The following BRD3 variants were observed in gnomAD, a reference collection of about 807,000 sequenced individuals.
The protein encoded by BRD3 is bromodomain containing 3.
In BRD3, 17 loss-of-function variants were observed where a neutral mutation model predicts 66.8. The observed-to-expected ratio is 0.25, with a 90% confidence interval of 0.17 to 0.38. The LOEUF (loss-of-function observed/expected upper bound fraction) is 0.38. Among genes scored for constraint, BRD3 ranks in the 10% least tolerant of loss-of-function variants. The pLI is 1.00. For synonymous variants in BRD3, 421 were observed against 393.2 expected, an observed-to-expected ratio of 1.07 and a Z score of -0.84; for missense variants, 713 against 956.1, an observed-to-expected ratio of 0.75 and a Z score of 3.35.
chr9:134,037,856 C>T (rs1017875317), intron 9 of BRD3, among the ~76,000 whole-genome samples: 2 of 152,164 alleles, frequency 1.3e-5, no homozygotes, highest in East Asian at 3.9e-4. Flanking sequence ...GCCCTACAGA[C>T]AATAAAAGGC....
In BRD3 at chr9:134,053,331, C is replaced by T. The variant is rs142431854; in HGVS notation, c.147G>A (p.Thr49=). Residue 49 remains threonine (T), a synonymous_variant, in exon 2 of 12, where the codon ACG becomes ACA. Transcript: ENST00000303407. ...LQYMQNVVVK[T]LWKHQFAWPF... ...GCCAGGCGAACTGGTGTTTCCAGAG[C>T]GTCTTCACCACCACATTCTGCATGT... The T allele has an allele frequency of 1.2e-4, 199 of 1,613,460 alleles. 2 individuals are homozygous for T. The Middle Eastern group carries it at 2.6e-3, about 21-fold the overall frequency.
intron 6 of BRD3, among the ~76,000 whole-genome samples, chr9:134,046,085 C>T (rs12339071): frequency 0.033 from 5,089 of 152,224 alleles, 305 homozygotes; most frequent in African/African-American, 0.12. Context: ...CAAAACCCAC[C>T]GCAGGTCCCA....
At chr9:134,039,550 G>A (rs1041037184) in intron 9 of BRD3, among the ~76,000 whole-genome samples, 4 of 152,150 alleles carry the variant, frequency 2.6e-5, no homozygotes, top group Admixed American at 2.0e-4. Flanking sequence ...TCCCGGGCCT[G>A]AGCTCCTTCC....
rs372701647 is a variant in BRD3 at position 134,051,878 on chromosome 9, T to TGTGTGTGTG, written c.352-170_352-169insCACACACAC. On this transcript the variant is annotated intron_variant, in intron 3 of 11. Coordinates refer to ENST00000303407, the MANE Select transcript of BRD3 (RefSeq NM_007371.4). ...GTGTGTGTGTGTGTGTGTGTGTGTG[T>TGTGTGTGTG]TGTTTTTTTTGTTTTTTTTTTTTTT... 1.5e-3 allele frequency among the ~76,000 whole-genome samples: 175 copies of TGTGTGTGTG among 116,280 alleles called. 4 individuals are homozygous for TGTGTGTGTG. The highest frequency in any genetic ancestry group is 6.1e-3 in the African/African-American group (163 of 26,838). 76.3% of individuals were successfully genotyped at this position (116,280 alleles called of 152,430 possible). A position where few individuals can be genotyped will look rare whatever the true frequency, so the allele number is the denominator to read the frequency against.
rs1830349385 is a variant in BRD3 at position 134,053,552 on chromosome 9, A to G, written c.-75T>C. 2.7e-6 allele frequency: 4 copies of G among 1,458,866 alleles called. No homozygotes were observed. The highest frequency in any genetic ancestry group is 4.9e-5 in the Admixed American group (2 of 40,892). 90.4% of individuals were successfully genotyped at this position (1,458,866 alleles called of 1,614,324 possible). On this transcript the variant is annotated 5_prime_UTR_variant, in exon 2 of 12. Coordinates refer to ENST00000303407, the MANE Select transcript of BRD3 (RefSeq NM_007371.4). ...CTGGCTGCTTCTACGCTCCCTGAGA[A>G]AGCGCGACGTCCCATTTCCGGGCCC... is the stretch of plus-strand genomic sequence containing the variant.
At chr9:134,068,152 G>A (rs1418840328), upstream of BRD3, 4 of 143,238 alleles carry the variant, frequency 2.8e-5, no homozygotes, top group Admixed American at 6.8e-5. Flanking sequence ...TACATGTCCC[G>A]GCCCCGCCGG....
chr9:134,053,218 G>C (rs1368843765), intron 2 of BRD3, 47 bp downstream of exon 2: 1 of 1,598,592 alleles, frequency 6.3e-7, no homozygotes, highest in Non-Finnish European at 8.6e-7. Flanking sequence ...GGGGACAGAG[G>C]ACGGCAGCAG....
intron 1 of BRD3, among the ~76,000 whole-genome samples, chr9:134,067,586 G>C (rs1390518759): frequency 6.8e-6 from 1 of 147,060 alleles, no homozygotes; most frequent in African/African-American, 2.5e-5. Flanking sequence ...GAGGGCGCGC[G>C]GAGGCCGGGC....
At chr9:134,059,668 C>T (rs957474521) in intron 1 of BRD3, among the ~76,000 whole-genome samples, 6 of 152,204 alleles carry the variant, frequency 3.9e-5, no homozygotes, top group Non-Finnish European at 7.3e-5. Flanking sequence ...GGAAGCCTGT[C>T]TGCTAAAATG....
At chr9:134,061,736 A>G (rs1006444456) in intron 1 of BRD3, among the ~76,000 whole-genome samples, 4 of 152,204 alleles carry the variant, frequency 2.6e-5, no homozygotes, top group African/African-American at 7.2e-5. Context: ...AAGGGGCACA[A>G]CGTCGCCCAG....
Position 134,041,933 on chromosome 9 carries a change from A to G in BRD3, c.1234T>C (p.Phe412Leu). 1 of 1,592,570 alleles carries G rather than the reference A, an allele frequency of 6.3e-7. No homozygotes were observed. The highest frequency in any genetic ancestry group is 8.6e-7 in the Non-Finnish European group (1 of 1,167,250). ...RKLQDVFEMR[F>L]AKMPDEPVEA... Reference sequence around the variant, plus strand: ...ACGGGCTCATCTGGCATCTTGGCAAACCTCATCTCAAACACGTCCTGCGGC... The same window carrying G: ...ACGGGCTCATCTGGCATCTTGGCAAGCCTCATCTCAAACACGTCCTGCGGC... The change falls in exon 8 of 12, where the codon TTT (phenylalanine) becomes CTT (leucine). Residue 412 changes from phenylalanine to leucine, a missense_variant. Physicochemically the swap from Phe to Leu is conservative, Grantham distance 22. This residue lies in a region of BRD3 where 418 missense variants were observed against 609.3 expected (regional missense o/e 0.69). Coordinates refer to ENST00000303407, the MANE Select transcript of BRD3 (RefSeq NM_007371.4).
At chr9:134,034,655 C>A (rs1843570325) in intron 11 of BRD3, 46 bp downstream of exon 11, 1 of 1,597,108 alleles carries the variant, frequency 6.3e-7, no homozygotes, top group South Asian at 1.1e-5. Flanking sequence ...CTGCTGACAC[C>A]CCCCACCCCC....
Position 134,048,385 on chromosome 9 carries a change from C to T in BRD3, c.784G>A (p.Glu262Lys). ...TTSAITASRS[E>K]SPPPLSDPKQ... The stretch of plus-strand genomic sequence containing the variant: ...GGGTCTGACAACGGCGGGGGCGACT[C>T]ACTCCGGCTGGCAGTGATGGCCGAC... The change falls in exon 6 of 12, where the codon GAG becomes AAG. Residue 262 changes from glutamate (E) to lysine (K), a missense_variant. Glu to Lys is a moderately conservative substitution (Grantham distance 56). Around this residue, in one of 5 missense-constraint regions of BRD3, gnomAD observed 418 missense variants for 609.3 expected, o/e 0.69. Transcript: ENST00000303407. The T allele has an allele frequency of 1.3e-6, 2 of 1,598,540 alleles. No homozygotes were observed. Among genetic ancestry groups the T allele is most frequent in the Non-Finnish European group, 1.7e-6 (2 of 1,179,864 alleles).
rs1467868823 is a variant in BRD3 at position 134,033,507 on chromosome 9, A to T, written c.*83T>A. On this transcript the variant is annotated 3_prime_UTR_variant, in exon 12 of 12. Transcript: ENST00000303407. The surrounding 1 kb of genome is among the most constrained non-coding windows in gnomAD (Gnocchi z 5.1). ...AGCAGACCTGCACACCATGGAACAG[A>T]AGTAGTAATATGAACCACAGAGGGG... The T allele has an allele frequency of 1.7e-5, 11 of 656,488 alleles. No individual in the cohort carries two copies. The Admixed American group carries it at 2.3e-4, about 14-fold the overall frequency. 40.7% of individuals were successfully genotyped at this position (656,488 alleles called of 1,614,324 possible).
At chr9:134,059,137 C>G (rs1238064439) in intron 1 of BRD3, among the ~76,000 whole-genome samples, 1 of 152,242 alleles carries the variant, frequency 6.6e-6, no homozygotes, top group Non-Finnish European at 1.5e-5. Flanking sequence ...TGTCTGGAAT[C>G]TGCTTCATGA....
intron 7 of BRD3, among the ~76,000 whole-genome samples, chr9:134,043,260 C>T (rs1564550871): frequency 6.6e-6 from 1 of 152,086 alleles, no homozygotes; most frequent in Non-Finnish European, 1.5e-5. Context: ...GGTAAGCCAC[C>T]ACACCCAGAC....
At chr9:134,055,548 G>T (rs1439709662) in intron 1 of BRD3, among the ~76,000 whole-genome samples, 8 of 152,226 alleles carry the variant, frequency 5.3e-5, no homozygotes, top group Non-Finnish European at 1.0e-4. Context: ...AGGCTCCTGA[G>T]GGTGGAGGAG....
rs1412442627 is a variant in BRD3 at position 134,033,053 on chromosome 9, G to GC, written c.*536dup. 5.0e-6 allele frequency: 2 copies of GC among 398,346 alleles called. No individual in the cohort carries two copies. The highest frequency in any genetic ancestry group is 8.8e-6 in the Non-Finnish European group (2 of 226,264). The allele number at this position is 398,346 out of a possible 1,614,324, so 24.7% of individuals were successfully genotyped here. A position where few individuals can be genotyped will look rare whatever the true frequency, so the allele number is the denominator to read the frequency against. On this transcript the variant is annotated 3_prime_UTR_variant, in exon 12 of 12. Coordinates refer to ENST00000303407, the MANE Select transcript of BRD3 (RefSeq NM_007371.4). The surrounding 1 kb of genome is among the most constrained non-coding windows in gnomAD (Gnocchi z 5.1). ...GGGGCTGCGATGACCCTTCGCTTAG[G>GC]CCCAGCCTGGTCTCCACAAGCAGGC...
At chr9:134,037,070 G>A (rs1243035415) in intron 9 of BRD3, among the ~76,000 whole-genome samples, 1 of 151,994 alleles carries the variant, frequency 6.6e-6, no homozygotes, top group Non-Finnish European at 1.5e-5. Context: ...AAAAGGAAGA[G>A]ATGCTCAGGT....
Sources: allele counts gnomAD v4.1 joint callset (sites outside exome capture counted in the v4.1 genomes callset), GRCh38; gene constraint gnomAD v4.1.1; regional missense constraint gnomAD v4.1.1; non-coding constraint Gnocchi (gnomAD v3.1); transcripts MANE v1.5; gene names NCBI Gene and HGNC (gene_info 2026-07-23, HGNC 2026-07-21).